MTDH: variants seen among roughly 807,000 people sequenced by gnomAD.
MTDH encodes protein LYRIC.
A neutral mutation model predicts 72.7 loss-of-function variants in MTDH; 34 were observed. The ratio of observed to expected loss-of-function variants is 0.47; its 90% CI spans 0.36 to 0.62. The LOEUF (loss-of-function observed/expected upper bound fraction) is 0.62. Ranked by LOEUF, MTDH falls within the 20% of genes least tolerant of loss-of-function variation. The pLI is 0.00. For missense variants in MTDH, 677 were observed against 699.4 expected (o/e 0.97, Z 0.36); for synonymous variants, 266 against 268.9 (o/e 0.99, Z 0.10).
At chr8:97,707,315 A>G (rs572063991) in intron 8 of MTDH, among the ~76,000 whole-genome samples, 1 of 151,756 alleles carries the variant, frequency 6.6e-6, no homozygotes, top group Non-Finnish European at 1.5e-5. Flanking sequence ...ATGCCCGGCT[A>G]ATTTTTGTGT....
intron 2 of MTDH, among the ~76,000 whole-genome samples, chr8:97,679,584 C>A (rs1259691047): frequency 1.3e-5 from 2 of 152,032 alleles, no homozygotes; most frequent in Admixed American, 1.3e-4. Context: ...ATATTTAATA[C>A]CAGATATTAA....
intron 6 of MTDH, 56 bp from the exon 7 acceptor site, chr8:97,699,698 G>A: frequency 9.2e-6 from 11 of 1,198,754 alleles, no homozygotes; most frequent in Non-Finnish European, 1.4e-5. Flanking sequence ...CTATTGTTAT[G>A]AAACATCATT....
chr8:97,662,439 G>T (rs1020533224), intron 2 of MTDH, among the ~76,000 whole-genome samples: 4 of 151,876 alleles, frequency 2.6e-5, no homozygotes, highest in African/African-American at 9.7e-5. Flanking sequence ...TCGGTAAGTG[G>T]TTTCTGGGAA....
chr8:97,667,996 G>T (rs1378039972), intron 2 of MTDH, among the ~76,000 whole-genome samples: 1 of 151,790 alleles, frequency 6.6e-6, no homozygotes, highest in Admixed American at 6.6e-5. Flanking sequence ...TAACATTTTG[G>T]AAGATCTACC....
At chr8:97,720,354 A>T (rs919080687) in intron 10 of MTDH, among the ~76,000 whole-genome samples, 1 of 151,682 alleles carries the variant, frequency 6.6e-6, no homozygotes, top group Non-Finnish European at 1.5e-5. Context: ...AGGCAGGAGG[A>T]TCACTTGAGT....
At chr8:97,660,374 A>G (rs961688324) in intron 1 of MTDH, among the ~76,000 whole-genome samples, 19 of 152,314 alleles carry the variant, frequency 1.2e-4, no homozygotes, top group South Asian at 4.1e-4. Context: ...TAGAGGTTCC[A>G]TTAGAGATTG....
Position 97,705,805 on chromosome 8 carries a change from T to C in MTDH, c.1148-821T>C, listed in dbSNP as rs1364664033. Among the ~76,000 whole-genome samples the C allele has an allele frequency of 2.6e-5, 4 of 152,350 alleles. No individual in the cohort carries two copies. The South Asian group carries it at 6.2e-4, about 24-fold the overall frequency. ...GGAACATATATAGGAGTATATGATG[T>C]GCAGGGAGAGAAGGGAAGAATTAAC... On this transcript the variant is annotated intron_variant, in intron 7 of 11. Coordinates refer to ENST00000336273, the MANE Select transcript of MTDH (RefSeq NM_178812.4).
In MTDH at chr8:97,699,744, T is replaced by G; in HGVS notation, c.1049-10T>G. 2.5e-6 allele frequency: 4 copies of G among 1,572,594 alleles called. No individual in the cohort carries two copies. Among genetic ancestry groups the G allele is most frequent in the Non-Finnish European group, 3.5e-6 (4 of 1,143,834 alleles). On this transcript the variant is annotated splice_polypyrimidine_tract_variant and intron_variant, in intron 6 of 11. Transcript: ENST00000336273. ...ATTTTTAATTTTATTGCATTCGTTT[T>G]TCATTTAAGGGTCTACTGCTGAGCC...
intron 9 of MTDH, among the ~76,000 whole-genome samples, chr8:97,717,805 A>C (rs1042794360): frequency 6.6e-6 from 1 of 152,184 alleles, no homozygotes; most frequent in African/African-American, 2.4e-5. Context: ...GCTGGAGTGC[A>C]GTGGCACGAT....
At chr8:97,670,931 GT>G (rs1167717632) in intron 2 of MTDH, among the ~76,000 whole-genome samples, 5 of 106,000 alleles carry the variant, frequency 4.7e-5, no homozygotes, top group African/African-American at 1.1e-4. Context: ...TAATTTTTTT[GT>G]TTTTTTTGTT....
At chr8:97,710,146 T>C (rs1814561958) in intron 8 of MTDH, among the ~76,000 whole-genome samples, 1 of 152,200 alleles carries the variant, frequency 6.6e-6, no homozygotes, top group Non-Finnish European at 1.5e-5. Context: ...ACTGAAAATC[T>C]CTTAGCTAAG....
intron 2 of MTDH, among the ~76,000 whole-genome samples, chr8:97,674,187 C>T (rs567108014): frequency 3.3e-5 from 5 of 152,190 alleles, no homozygotes; most frequent in African/African-American, 1.2e-4. Flanking sequence ...AAATCAAGCA[C>T]GGTAAGGAGA....
intron 6 of MTDH, among the ~76,000 whole-genome samples, chr8:97,699,088 C>G (rs967365783): frequency 3.9e-5 from 6 of 152,226 alleles, no homozygotes; most frequent in Middle Eastern, 3.4e-3. Context: ...GAGTTCAAGA[C>G]CAGCCTGGGC....
At chr8:97,660,161 A>G (rs576889985) in intron 1 of MTDH, among the ~76,000 whole-genome samples, 24 of 152,306 alleles carry the variant, frequency 1.6e-4, no homozygotes, top group Non-Finnish European at 2.4e-4. Context: ...CTCCGTCTCA[A>G]AAAAAAGGTA....
At chr8:97,664,953 G>T (rs1003076867) in intron 2 of MTDH, among the ~76,000 whole-genome samples, 4 of 152,072 alleles carry the variant, frequency 2.6e-5, no homozygotes, top group African/African-American at 9.7e-5. Flanking sequence ...TAGAGACGGG[G>T]TTTCACCACA....
intron 6 of MTDH, among the ~76,000 whole-genome samples, chr8:97,695,061 A>G (rs892036002): frequency 6.6e-6 from 1 of 151,474 alleles, no homozygotes; most frequent in Non-Finnish European, 1.5e-5. Flanking sequence ...AATGTTAGGA[A>G]CCGTGTGACC....
At chr8:97,658,484 T>C (rs1812061428) in intron 1 of MTDH, among the ~76,000 whole-genome samples, 1 of 152,232 alleles carries the variant, frequency 6.6e-6, no homozygotes, top group African/African-American at 2.4e-5. Context: ...CTCACATAAA[T>C]GGCATTGAAC....
intron 2 of MTDH, among the ~76,000 whole-genome samples, chr8:97,682,534 C>G (rs991131145): frequency 2.6e-5 from 4 of 151,066 alleles, no homozygotes; most frequent in Non-Finnish European, 2.9e-5. Flanking sequence ...TTCCTGACCT[C>G]AGGTGATCTG....
At chr8:97,697,245 G>A (rs181298742) in intron 6 of MTDH, among the ~76,000 whole-genome samples, 2,031 of 148,022 alleles carry the variant, frequency 0.014, 24 homozygotes, top group Non-Finnish European at 0.02. Context: ...TTTGTATAAA[G>A]GGACAGATAG....
Sources: allele counts gnomAD v4.1 joint callset (sites outside exome capture counted in the v4.1 genomes callset), GRCh38; gene constraint gnomAD v4.1.1; transcripts MANE v1.5; gene names NCBI Gene and HGNC (gene_info 2026-07-23, HGNC 2026-07-21).